Variants in IL1RAPL2 observed in about 807,000 individuals in gnomAD.
The protein encoded by IL1RAPL2 is X-linked interleukin-1 receptor accessory protein-like 2.
A neutral mutation model predicts 44.1 loss-of-function variants in IL1RAPL2; 3 were observed. The ratio of observed to expected loss-of-function variants is 0.07; its 90% CI spans 0.03 to 0.18. The LOEUF (loss-of-function observed/expected upper bound fraction) is 0.18, where lower values mean the gene tolerates loss of function less well. Ranked by LOEUF, IL1RAPL2 falls within the 10% of genes least tolerant of loss-of-function variation. The pLI is 1.00. For missense variants in IL1RAPL2, 391 were observed against 496.4 expected (o/e 0.79, Z 2.02); for synonymous variants, 181 against 178.8 (o/e 1.01, Z -0.10).
chrX:104,655,460 G>T (rs563516588), intron 1 of IL1RAPL2, among the ~76,000 whole-genome samples: 3 of 111,780 alleles, frequency 2.7e-5, no homozygotes, highest in African/African-American at 6.5e-5. Context: ...TTCTGTTTAT[G>T]TGATGGATTA....
intron 2 of IL1RAPL2, among the ~76,000 whole-genome samples, chrX:104,891,729 A>G (rs1923447192): frequency 8.9e-6 from 1 of 111,840 alleles, no homozygotes; most frequent in African/African-American, 3.2e-5. Flanking sequence ...ATACAATCAT[A>G]TCATCTGCAA....
chrX:104,757,624 G>GA (rs1250554537), intron 2 of IL1RAPL2, among the ~76,000 whole-genome samples: 2 of 111,280 alleles, frequency 1.8e-5, no homozygotes. Flanking sequence ...CTTTTCTTGG[G>GA]AAAAAGTGCT....
chrX:105,698,002 T>G (rs1241708190), intron 6 of IL1RAPL2, among the ~76,000 whole-genome samples: 1 of 111,042 alleles, frequency 9.0e-6, no homozygotes, highest in Non-Finnish European at 1.9e-5. Context: ...CCCTCCTGCT[T>G]CCTGAGATTC....
intron 2 of IL1RAPL2, among the ~76,000 whole-genome samples, chrX:105,032,024 G>A (rs889532792): frequency 5.4e-5 from 6 of 111,403 alleles, no homozygotes; most frequent in East Asian, 2.8e-4. Flanking sequence ...AGAGGTGTTT[G>A]TAGTATTCTC....
intron 5 of IL1RAPL2, among the ~76,000 whole-genome samples, chrX:105,298,994 G>C (rs915045949): frequency 2.7e-5 from 3 of 109,223 alleles, no homozygotes; most frequent in African/African-American, 1.0e-4. Context: ...AGGTTGTAAA[G>C]AGATGGGGAA....
At chrX:104,948,784 G>T (rs1214020485) in intron 2 of IL1RAPL2, among the ~76,000 whole-genome samples, 1 of 109,146 alleles carries the variant, frequency 9.2e-6, no homozygotes, top group African/African-American at 3.3e-5. Context: ...GAGCATGGTG[G>T]ATAAGCTTTT....
chrX:105,430,939 T>C (rs2035843033), intron 5 of IL1RAPL2, among the ~76,000 whole-genome samples: 1 of 112,109 alleles, frequency 8.9e-6, no homozygotes, highest in African/African-American at 3.2e-5. Context: ...GTTCACTTAC[T>C]AAGCACAATG....
intron 3 of IL1RAPL2, among the ~76,000 whole-genome samples, chrX:105,197,955 C>G (rs1312002415): frequency 9.0e-6 from 1 of 111,314 alleles, no homozygotes; most frequent in Non-Finnish European, 1.9e-5. Flanking sequence ...CTGTTGTTTC[C>G]TTCTTTGTAC....
chrX:105,583,259 C>T (rs889715953), intron 6 of IL1RAPL2, among the ~76,000 whole-genome samples: 8 of 108,877 alleles, frequency 7.3e-5, no homozygotes, highest in Non-Finnish European at 1.3e-4. Context: ...CTCAGCCTCC[C>T]GAGTAGCTGG....
chrX:105,396,154 G>C (rs1203592524), intron 5 of IL1RAPL2, among the ~76,000 whole-genome samples: 1 of 110,709 alleles, frequency 9.0e-6, no homozygotes, highest in African/African-American at 3.3e-5. Context: ...AAAAGACATA[G>C]AGGAAAAGAT....
chrX:105,058,402 G>A (rs73520252), intron 2 of IL1RAPL2, among the ~76,000 whole-genome samples: 9,304 of 111,482 alleles, frequency 0.083, 1,006 homozygotes, highest in African/African-American at 0.29. Flanking sequence ...GTTATTTTAG[G>A]TGGTAGAGTA....
chrX:105,044,125 A>G (rs73520215), intron 2 of IL1RAPL2, among the ~76,000 whole-genome samples: 2,151 of 111,267 alleles, frequency 0.019, 58 homozygotes, highest in African/African-American at 0.067. Context: ...CACTTATCAG[A>G]ATGTCAAAAC....
At chrX:105,607,640 A>AG (rs2037304605) in intron 6 of IL1RAPL2, among the ~76,000 whole-genome samples, 1 of 99,836 alleles carries the variant, frequency 1.0e-5, no homozygotes, top group Non-Finnish European at 2.0e-5. Context: ...GCAGACAAAA[A>AG]AAAAAAAAAA....
At chrX:104,666,603 TG>T (rs1930490761) in intron 2 of IL1RAPL2, among the ~76,000 whole-genome samples, 1 of 112,305 alleles carries the variant, frequency 8.9e-6, no homozygotes, top group Non-Finnish European at 1.9e-5. Context: ...TCTGTTGTTT[TG>T]GAATGAAAAG....
chrX:104,800,055 C>G (rs2147612730), intron 2 of IL1RAPL2, among the ~76,000 whole-genome samples: 1 of 110,264 alleles, frequency 9.1e-6, no homozygotes, highest in South Asian at 3.9e-4. Flanking sequence ...ACCCCCACCA[C>G]CATTCACATC....
At chrX:105,169,047 A>G (rs2033397638) in intron 2 of IL1RAPL2, among the ~76,000 whole-genome samples, 1 of 112,447 alleles carries the variant, frequency 8.9e-6, no homozygotes, top group Non-Finnish European at 1.9e-5. Context: ...CACTGTAAAC[A>G]GAGCTACTCT....
chrX:105,275,374 T>C (rs1266327292), intron 5 of IL1RAPL2, among the ~76,000 whole-genome samples: 1 of 112,252 alleles, frequency 8.9e-6, no homozygotes, highest in Non-Finnish European at 1.9e-5. Flanking sequence ...TCTGGCTCTA[T>C]TGGCCTCCTG....
intron 6 of IL1RAPL2, among the ~76,000 whole-genome samples, chrX:105,486,336 C>A (rs1360953037): frequency 9.0e-6 from 1 of 111,599 alleles, no homozygotes; most frequent in Non-Finnish European, 1.9e-5. Flanking sequence ...TTTAAATAAG[C>A]CTAGCAATGT....
intron 6 of IL1RAPL2, among the ~76,000 whole-genome samples, chrX:105,629,367 G>C (rs1248884239): frequency 1.8e-5 from 2 of 111,776 alleles, no homozygotes; most frequent in East Asian, 5.7e-4. Flanking sequence ...TTCTATGACA[G>C]TTGCAATGTG....
Sources: gnomAD v4.1 joint callset for allele counts (sites outside exome capture counted in the v4.1 genomes callset) on GRCh38, gnomAD v4.1.1 for gene constraint, MANE v1.5 for transcripts, NCBI Gene and HGNC (gene_info 2026-07-23, HGNC 2026-07-21) for gene names.